AP1AR: variants seen among roughly 807,000 people sequenced by gnomAD.
AP1AR encodes the protein AP-1 complex-associated regulatory protein.
A neutral mutation model predicts 46.3 loss-of-function variants in AP1AR; 29 were observed. That is an observed-to-expected ratio of 0.63 (90% CI 0.47 to 0.85). The LOEUF (loss-of-function observed/expected upper bound fraction) is 0.85, where lower values mean the gene tolerates loss of function less well. Ranked by LOEUF, AP1AR falls within the 40% of genes least tolerant of loss-of-function variation. AP1AR has a pLI of 0.00. For synonymous variants in AP1AR, 122 were observed against 122.9 expected, an observed-to-expected ratio of 0.99 and a Z score of 0.05; for missense variants, 357 against 356.3, an observed-to-expected ratio of 1.00 and a Z score of -0.02.
intron 1 of AP1AR, among the ~76,000 whole-genome samples, chr4:112,232,763 C>T (rs1048949435): frequency 9.2e-5 from 14 of 152,200 alleles, no homozygotes; most frequent in Non-Finnish European, 7.3e-5. Flanking sequence ...ACTACAGGGA[C>T]AATGTGTAAT....
intron 6 of AP1AR, among the ~76,000 whole-genome samples, chr4:112,263,504 C>CT (rs1475229882): frequency 1.3e-5 from 2 of 149,462 alleles, no homozygotes; most frequent in Non-Finnish European, 3.0e-5. Flanking sequence ...GCTAGAATTT[C>CT]TTTTTTTCCT....
At chr4:112,263,217 T>C (rs1726529341) in intron 6 of AP1AR, 131 bp downstream of exon 6, 1 of 646,646 alleles carries the variant, frequency 1.5e-6, no homozygotes, top group Non-Finnish European at 2.6e-6. Context: ...TTTACCCATA[T>C]ATTCTTAAGA....
Position 112,266,574 on chromosome 4 carries a change from C to T in AP1AR, c.515-14C>T, listed in dbSNP as rs201749009. ...TAGATGAGAGTATTCAATTGTATTT[C>T]GTGTATATTCTAGGACTCTCATCAG... On this transcript the variant is annotated splice_polypyrimidine_tract_variant and intron_variant, in intron 8 of 9. Coordinates refer to ENST00000274000, the MANE Select transcript of AP1AR (RefSeq NM_018569.6). 90 of 1,605,200 alleles carry T rather than the reference C, an allele frequency of 5.6e-5. No homozygotes were observed. Among genetic ancestry groups the T allele is most frequent in the Middle Eastern group, 1.7e-4 (1 of 5,878 alleles).
chr4:112,262,084 CA>C (rs1726472649), intron 5 of AP1AR, among the ~76,000 whole-genome samples: 1 of 151,936 alleles, frequency 6.6e-6, no homozygotes, highest in Non-Finnish European at 1.5e-5. Context: ...GAGGCCAAGA[CA>C]GGCAGATTGC....
intron 5 of AP1AR, 151 bp downstream of exon 5, chr4:112,261,013 T>C (rs1282311361): frequency 2.8e-5 from 13 of 460,378 alleles, no homozygotes; most frequent in Admixed American, 1.3e-4. Flanking sequence ...CAGCCTATTA[T>C]AATTTCTTTT....
At chr4:112,263,116 G>A in intron 6 of AP1AR, 30 bp downstream of exon 6, 1 of 1,551,684 alleles carries the variant, frequency 6.4e-7, no homozygotes, top group Non-Finnish European at 8.8e-7. Context: ...GCATATATTA[G>A]GGTTGCTTTT....
In AP1AR at chr4:112,260,797, A is replaced by G; in HGVS notation, c.217A>G (p.Arg73Gly). The change falls in exon 5 of 10, where the codon AGA (arginine) becomes GGA (glycine). Residue 73 changes from arginine to glycine, a missense_variant. By Grantham distance (125) the Arg-to-Gly change is moderately radical. Transcript: ENST00000274000. Reference protein sequence around the residue: ...PLTEEEIVDLRERHYDSIAEK... With the variant: ...PLTEEEIVDLGERHYDSIAEK... ...TACTGAGGAAGAAATTGTTGACCTA[A>G]GAGAAAGGCATTATGATTCCATTGC... The G allele has an allele frequency of 6.2e-7, 1 of 1,604,394 alleles. No homozygotes were observed. Among genetic ancestry groups the G allele is most frequent in the Non-Finnish European group, 8.5e-7 (1 of 1,176,408 alleles).
chr4:112,265,498 A>G (rs1726662257), intron 7 of AP1AR, among the ~76,000 whole-genome samples: 1 of 151,940 alleles, frequency 6.6e-6, no homozygotes, highest in South Asian at 2.1e-4. Context: ...GTAAAGTTGG[A>G]CTTATGGCTA....
intron 6 of AP1AR, 132 bp downstream of exon 6, chr4:112,263,218 AT>A: frequency 1.6e-6 from 1 of 638,154 alleles, no homozygotes; most frequent in East Asian, 2.9e-5. Flanking sequence ...TTACCCATAT[AT>A]TCTTAAGAAT....
At chr4:112,242,462 G>T (rs1203835264) in intron 1 of AP1AR, among the ~76,000 whole-genome samples, 2 of 143,170 alleles carry the variant, frequency 1.4e-5, no homozygotes, top group African/African-American at 2.7e-5. Flanking sequence ...GAAAAAAAAA[G>T]CTTACTTGGC....
intron 1 of AP1AR, among the ~76,000 whole-genome samples, chr4:112,232,449 C>G (rs1235242497): frequency 2.6e-5 from 4 of 152,208 alleles, no homozygotes; most frequent in Non-Finnish European, 5.9e-5. Context: ...GACATCATCT[C>G]CAGGAAACAA....
intron 8 of AP1AR, among the ~76,000 whole-genome samples, chr4:112,266,257 CT>C (rs1399336348): frequency 6.6e-6 from 1 of 151,546 alleles, no homozygotes; most frequent in Non-Finnish European, 1.5e-5. Flanking sequence ...ATATAGGTTG[CT>C]TTTTGTTTTA....
intron 4 of AP1AR, 103 bp downstream of exon 4, chr4:112,257,900 C>T (rs1017477278): frequency 2.0e-6 from 2 of 983,976 alleles, no homozygotes; most frequent in Admixed American, 3.1e-5. Context: ...AGACATTAAA[C>T]AGTTTACATT....
Position 112,271,005 on chromosome 4 carries a change from A to C in AP1AR, c.*2596A>C, listed in dbSNP as rs1239552506. 6.6e-6 allele frequency among the ~76,000 whole-genome samples: 1 copy of C among 152,154 alleles called. No homozygotes were observed. The highest frequency in any genetic ancestry group is 1.5e-5 in the Non-Finnish European group (1 of 68,014). On this transcript the variant is annotated 3_prime_UTR_variant, in exon 10 of 10. Coordinates refer to ENST00000274000, the MANE Select transcript of AP1AR (RefSeq NM_018569.6). ...CAATGGCTGTGAAAAGGCAGAGCAG[A>C]TTTGTTTTAGAGGTAGAATCATCAG... is the stretch of plus-strand genomic sequence containing the variant.
In AP1AR at chr4:112,244,540, GA is replaced by G. The variant is rs143136555; in HGVS notation, c.84-8667del. Among the ~76,000 whole-genome samples the G allele has an allele frequency of 7.2e-5, 11 of 152,290 alleles. No individual in the cohort carries two copies. The East Asian group carries it at 1.5e-3, about 21-fold the overall frequency. On this transcript the variant is annotated intron_variant, in intron 1 of 9. Transcript: ENST00000274000. ...TGAGAATAACTGCTTTTCTAAAACA[GA>G]GTTGTCAAGACTAAATACCTATATT...
chr4:112,265,916 C>G, intron 8 of AP1AR, 109 bp downstream of exon 8: 1 of 656,860 alleles, frequency 1.5e-6, no homozygotes, highest in South Asian at 2.2e-5. Context: ...ATTTGTAATT[C>G]CCAGATAGGT....
At chr4:112,243,548 A>G (rs534003195) in intron 1 of AP1AR, among the ~76,000 whole-genome samples, 1 of 152,142 alleles carries the variant, frequency 6.6e-6, no homozygotes, top group South Asian at 2.1e-4. Context: ...ACTGTTTAGG[A>G]CTTGTATCAT....
intron 1 of AP1AR, 97 bp downstream of exon 1, chr4:112,232,271 C>G (rs1725044730): frequency 9.5e-7 from 1 of 1,051,638 alleles, no homozygotes; most frequent in South Asian, 3.8e-5. Context: ...CTGGAGGTGG[C>G]GGTCGAGAGC....
At chr4:112,267,190 G>A (rs954820418) in intron 9 of AP1AR, among the ~76,000 whole-genome samples, 2 of 151,700 alleles carry the variant, frequency 1.3e-5, no homozygotes, top group Non-Finnish European at 1.5e-5. Flanking sequence ...GACAGACAAC[G>A]GTGATACAGA....
Sources: gnomAD v4.1 joint callset for allele counts (sites outside exome capture counted in the v4.1 genomes callset) on GRCh38, gnomAD v4.1.1 for gene constraint, MANE v1.5 for transcripts, NCBI Gene and HGNC (gene_info 2026-07-23, HGNC 2026-07-21) for gene names.